The following PTPN2 variants were observed in gnomAD, a reference collection of about 807,000 sequenced individuals.
PTPN2 encodes the protein protein tyrosine phosphatase non-receptor type 2.
Under a neutral mutation model 57.3 loss-of-function variants are expected in PTPN2, and 19 were observed. The ratio of observed to expected loss-of-function variants is 0.33; its 90% CI spans 0.23 to 0.49. The LOEUF is 0.49. Ranked by LOEUF, PTPN2 falls within the 20% of genes least tolerant of loss-of-function variation. The pLI is 0.99. For missense variants in PTPN2, 358 were observed against 501.1 expected, an observed-to-expected ratio of 0.71 and a Z score of 2.73; for synonymous variants, 153 against 164.9, an observed-to-expected ratio of 0.93 and a Z score of 0.55.
intron 6 of PTPN2, 39 bp from the exon 7 acceptor site, chr18:12,814,394 G>T: frequency 2.6e-6 from 4 of 1,524,110 alleles, no homozygotes; most frequent in Non-Finnish European, 3.5e-6. Context: ...TCTTGTTATT[G>T]GAACCCAGGA....
intron 1 of PTPN2, among the ~76,000 whole-genome samples, chr18:12,870,355 ATATATATG>A (rs1486070609): frequency 2.1e-5 from 1 of 48,442 alleles, no homozygotes; most frequent in Non-Finnish European, 3.4e-5. Flanking sequence ...ATATATGTGT[ATATATATG>A]TGTATATATA....
chr18:12,799,661 T>G (rs930327485), intron 8 of PTPN2, among the ~76,000 whole-genome samples: 4 of 151,480 alleles, frequency 2.6e-5, no homozygotes, highest in Admixed American at 6.6e-5. Context: ...CTCGGCTCAC[T>G]GCAACCTCCT....
downstream of PTPN2, among the ~76,000 whole-genome samples, chr18:12,791,859 A>G (rs917993362): frequency 8.5e-5 from 13 of 152,332 alleles, no homozygotes; most frequent in Middle Eastern, 3.4e-3. Flanking sequence ...CCTCTCTGGC[A>G]CTGGCTTCCT....
intron 2 of PTPN2, among the ~76,000 whole-genome samples, chr18:12,837,989 T>C (rs1286023998): frequency 6.6e-6 from 1 of 152,154 alleles, no homozygotes; most frequent in Non-Finnish European, 1.5e-5. Context: ...ACAAGCACTT[T>C]TTTTTAAAAA....
rs565606208 is a variant in PTPN2 at position 12,808,187 on chromosome 18, G to A, written c.858+6016C>T. Among the ~76,000 whole-genome samples, 188 of 151,722 alleles carry A rather than the reference G, an allele frequency of 1.2e-3. 2 individuals are homozygous for A. The highest frequency in any genetic ancestry group is 4.4e-3 in the African/African-American group (181 of 41,374). On this transcript the variant is annotated intron_variant, in intron 7 of 8. Transcript: ENST00000309660. ...GAACAAGAGAATGAGACCCTATCTC[G>A]AAAAAAATTTATATACATACACATT...
intron 1 of PTPN2, among the ~76,000 whole-genome samples, chr18:12,870,462 T>G (rs12959614): frequency 0.68 from 11,882 of 17,476 alleles, 4,421 homozygotes; most frequent in Non-Finnish European, 0.71. Flanking sequence ...TATATATATA[T>G]AGAGAGAGAG....
intron 3 of PTPN2, among the ~76,000 whole-genome samples, chr18:12,832,569 G>A (rs769967366): frequency 3.3e-5 from 5 of 152,104 alleles, no homozygotes; most frequent in South Asian, 2.1e-4. Flanking sequence ...TGAGAGTGGC[G>A]TTTTCCTCAC....
At chr18:12,837,515 A>AT (rs2042908818) in intron 2 of PTPN2, among the ~76,000 whole-genome samples, 1 of 152,216 alleles carries the variant, frequency 6.6e-6, no homozygotes, top group South Asian at 2.1e-4. Context: ...AATCTCATAG[A>AT]TTGAGAATTT....
chr18:12,802,799 CAG>C (rs2041481640), intron 7 of PTPN2, among the ~76,000 whole-genome samples: 2 of 152,220 alleles, frequency 1.3e-5, no homozygotes, highest in South Asian at 4.1e-4. Context: ...GAGTCTTTCC[CAG>C]ACAAGCAAAA....
chr18:12,834,559 C>T (rs1190266249), intron 3 of PTPN2, among the ~76,000 whole-genome samples: 1 of 151,770 alleles, frequency 6.6e-6, no homozygotes, highest in Non-Finnish European at 1.5e-5. Context: ...TAAACAATGC[C>T]TGCCACAGAG....
intron 9 of PTPN2, chr18:12,785,934 C>T (rs752624876): frequency 1.6e-5 from 18 of 1,148,688 alleles, no homozygotes; most frequent in Non-Finnish European, 2.3e-5. Context: ...AAAGGACTAA[C>T]AATGAACTGA....
intron 5 of PTPN2, among the ~76,000 whole-genome samples, chr18:12,825,442 G>A (rs2042417030): frequency 6.6e-6 from 1 of 152,124 alleles, no homozygotes; most frequent in Non-Finnish European, 1.5e-5. Flanking sequence ...CCATTTTACA[G>A]ATGAGGAAGG....
intron 1 of PTPN2, among the ~76,000 whole-genome samples, chr18:12,876,296 A>AAGAAGAAGAAGAAGAAGAAGAAGAAG (rs2044486797): frequency 1.0e-4 from 15 of 145,074 alleles, no homozygotes; most frequent in Non-Finnish European, 1.9e-4. Flanking sequence ...ACAACAACAA[A>AAGAAGAAGAAGAAGAAGAAGAAGAAG]AAGAAGAAGA....
intron 2 of PTPN2, among the ~76,000 whole-genome samples, chr18:12,845,366 C>T (rs1233040911): frequency 6.6e-6 from 1 of 152,064 alleles, no homozygotes; most frequent in African/African-American, 2.4e-5. Context: ...TTCTTTTATC[C>T]ATGTGTTTGG....
At chr18:12,810,873 T>C (rs1001267939) in intron 7 of PTPN2, among the ~76,000 whole-genome samples, 3 of 152,218 alleles carry the variant, frequency 2.0e-5, no homozygotes, top group African/African-American at 4.8e-5. Flanking sequence ...AAGAATACTG[T>C]GCCAACAATC....
At chr18:12,850,032 A>G (rs927663675) in intron 2 of PTPN2, among the ~76,000 whole-genome samples, 1 of 152,048 alleles carries the variant, frequency 6.6e-6, no homozygotes, top group African/African-American at 2.4e-5. Context: ...GACAGAGTTG[A>G]TCAGTCTTAC....
chr18:12,874,538 G>GA (rs1419397583), intron 1 of PTPN2, among the ~76,000 whole-genome samples: 4 of 119,252 alleles, frequency 3.4e-5, no homozygotes, highest in Non-Finnish European at 6.8e-5. Context: ...GAAGGTGGGG[G>GA]GGGGTCAGCT....
At chr18:12,861,411 C>CA (rs1252302379) in intron 1 of PTPN2, among the ~76,000 whole-genome samples, 3 of 152,180 alleles carry the variant, frequency 2.0e-5, no homozygotes, top group Non-Finnish European at 4.4e-5. Flanking sequence ...TCTAGATCCT[C>CA]ATTCTACTTC....
Position 12,793,915 on chromosome 18 carries a change from T to C in PTPN2, c.*363A>G. On this transcript the variant is annotated 3_prime_UTR_variant, in exon 9 of 9. Transcript: ENST00000309660. Reference sequence around the variant, plus strand: ...ATAAAACCACAATATTTATTGCTTATATCAAGTGCAGGTTAAAATCCAGAT... The same window carrying C: ...ATAAAACCACAATATTTATTGCTTACATCAAGTGCAGGTTAAAATCCAGAT... 1 of 1,102,472 alleles carries C rather than the reference T, an allele frequency of 9.1e-7. No individual in the cohort carries two copies. 68.3% of individuals were successfully genotyped at this position (1,102,472 alleles called of 1,614,324 possible).
Sources: allele counts gnomAD v4.1 joint callset (sites outside exome capture counted in the v4.1 genomes callset), GRCh38; gene constraint gnomAD v4.1.1; transcripts MANE v1.5; gene names NCBI Gene and HGNC (gene_info 2026-07-23, HGNC 2026-07-21).